The following HS3ST4 variants were observed in gnomAD, a reference collection of about 807,000 sequenced individuals.
HS3ST4 encodes the protein heparan sulfate glucosamine 3-O-sulfotransferase 4.
Under a neutral mutation model 29.2 loss-of-function variants are expected in HS3ST4, and 17 were observed. That is an observed-to-expected ratio of 0.58 (90% CI 0.40 to 0.87). HS3ST4 has a LOEUF of 0.87. Ranked by LOEUF, HS3ST4 falls within the 40% of genes least tolerant of loss-of-function variation. The pLI is 0.00. For missense variants in HS3ST4, 627 were observed against 634.5 expected (o/e 0.99, Z 0.13); for synonymous variants, 314 against 285.7 (o/e 1.10, Z -1.00).
chr16:26,097,509 C>G (rs1344269255), intron 1 of HS3ST4, among the ~76,000 whole-genome samples: 8 of 152,164 alleles, frequency 5.3e-5, no homozygotes, highest in African/African-American at 1.9e-4. Flanking sequence ...ATAAATAGTG[C>G]TGGGAAAACT....
chr16:25,784,130 C>T lies in HS3ST4; in HGVS notation c.734+90979C>T, dbSNP rs146462971. ...TGTAATTATTTTGGGGCATCATGAA[C>T]CTTGGCCATATAAGACAGCAAAATT... is the stretch of plus-strand genomic sequence containing the variant. On this transcript the variant is annotated intron_variant, in intron 1 of 1. Coordinates refer to ENST00000331351, the MANE Select transcript of HS3ST4 (RefSeq NM_006040.3). Among the ~76,000 whole-genome samples the T allele has an allele frequency of 3.9e-4, 60 of 152,286 alleles. No individual in the cohort carries two copies. The East Asian group carries it at 0.01, about 25-fold the overall frequency.
chr16:25,969,424 C>T (rs376509972), intron 1 of HS3ST4, among the ~76,000 whole-genome samples: 5 of 152,204 alleles, frequency 3.3e-5, no homozygotes, highest in African/African-American at 1.2e-4. Context: ...CTGCTGGTGG[C>T]GGTCCTAGCA....
At chr16:26,080,221 C>A (rs1011729116) in intron 1 of HS3ST4, among the ~76,000 whole-genome samples, 2 of 152,120 alleles carry the variant, frequency 1.3e-5, no homozygotes, top group South Asian at 2.1e-4. Context: ...CCTCACCAAC[C>A]AACACTTTTA....
At chr16:26,107,404 T>G (rs1319318559) in intron 1 of HS3ST4, among the ~76,000 whole-genome samples, 1 of 151,960 alleles carries the variant, frequency 6.6e-6, no homozygotes, top group African/African-American at 2.4e-5. Flanking sequence ...ACATATGTAT[T>G]TCAATAGCTT....
intron 1 of HS3ST4, among the ~76,000 whole-genome samples, chr16:25,857,760 G>A (rs4605167): frequency 0.27 from 41,609 of 151,884 alleles, 6,139 homozygotes; most frequent in East Asian, 0.45. Context: ...ACACATATAC[G>A]TGCATACTCA....
chr16:26,023,042 C>CA (rs945128018), intron 1 of HS3ST4, among the ~76,000 whole-genome samples: 25 of 150,450 alleles, frequency 1.7e-4, no homozygotes, highest in East Asian at 1.9e-4. Flanking sequence ...AACTCCATCT[C>CA]AAAAAAAAGA....
chr16:25,767,271 G>T (rs1259004681), intron 1 of HS3ST4, among the ~76,000 whole-genome samples: 1 of 152,186 alleles, frequency 6.6e-6, no homozygotes, highest in Non-Finnish European at 1.5e-5. Context: ...TCACTCTGGG[G>T]TTTTATCATC....
chr16:26,089,351 C>A (rs970657415), intron 1 of HS3ST4, among the ~76,000 whole-genome samples: 5 of 152,080 alleles, frequency 3.3e-5, no homozygotes, highest in African/African-American at 1.2e-4. Context: ...AGGTTATGAC[C>A]CTGACAGTAC....
intron 1 of HS3ST4, among the ~76,000 whole-genome samples, chr16:25,752,305 C>A (rs914669034): frequency 6.6e-6 from 1 of 151,980 alleles, no homozygotes; most frequent in African/African-American, 2.4e-5. Context: ...AACATGAAGA[C>A]ATAAAATGGA....
chr16:25,765,757 G>T (rs1596564539), intron 1 of HS3ST4, among the ~76,000 whole-genome samples: 1 of 152,166 alleles, frequency 6.6e-6, no homozygotes, highest in Non-Finnish European at 1.5e-5. Flanking sequence ...TCATGTAATT[G>T]TTGGCCAACC....
chr16:25,784,481 A>G (rs943739634), intron 1 of HS3ST4, among the ~76,000 whole-genome samples: 1 of 152,244 alleles, frequency 6.6e-6, no homozygotes, highest in African/African-American at 2.4e-5. Context: ...GTTCCACTCC[A>G]GTGAACAAAT....
At chr16:25,835,345 A>C (rs1276697636) in intron 1 of HS3ST4, among the ~76,000 whole-genome samples, 2 of 152,224 alleles carry the variant, frequency 1.3e-5, no homozygotes, top group Non-Finnish European at 2.9e-5. Flanking sequence ...AATTCTGTGC[A>C]TGAGCCAGAG....
At chr16:26,073,377 CT>C (rs1424237423) in intron 1 of HS3ST4, among the ~76,000 whole-genome samples, 4 of 72,584 alleles carry the variant, frequency 5.5e-5, no homozygotes, top group Non-Finnish European at 1.3e-4. Context: ...CTTTTCTTTT[CT>C]TTTCTTTTTT....
chr16:25,709,362 A>G (rs1966400483), intron 1 of HS3ST4, among the ~76,000 whole-genome samples: 1 of 152,070 alleles, frequency 6.6e-6, no homozygotes, highest in South Asian at 2.1e-4. Flanking sequence ...GCGGGGTGTG[A>G]GGCTTGAGGC....
Position 25,765,122 on chromosome 16 carries a change from T to C in HS3ST4, c.734+71971T>C, listed in dbSNP as rs188675806. Reference sequence around the variant, plus strand: ...AGTCTGTGTGAAGCATTTCAAGAAATAGCAGAGAGCAAGACCACAGCCACT... The same window carrying C: ...AGTCTGTGTGAAGCATTTCAAGAAACAGCAGAGAGCAAGACCACAGCCACT... On this transcript the variant is annotated intron_variant, in intron 1 of 1. Transcript: ENST00000331351. Among the ~76,000 whole-genome samples the C allele has an allele frequency of 1.1e-3, 169 of 152,264 alleles. 1 individual carries two copies. The highest frequency in any genetic ancestry group is 3.8e-3 in the African/African-American group (157 of 41,566).
chr16:25,872,769 G>T, intron 1 of HS3ST4, among the ~76,000 whole-genome samples: 1 of 152,166 alleles, frequency 6.6e-6, no homozygotes, highest in East Asian at 1.9e-4. Flanking sequence ...ACCACTTGAT[G>T]GGAAGAACTA....
intron 1 of HS3ST4, among the ~76,000 whole-genome samples, chr16:25,981,152 G>A (rs1275461773): frequency 1.3e-5 from 2 of 152,100 alleles, no homozygotes; most frequent in African/African-American, 4.8e-5. Context: ...GAGGTCAGGA[G>A]TTTGAGACCA....
intron 1 of HS3ST4, among the ~76,000 whole-genome samples, chr16:25,695,026 A>G (rs1318557666): frequency 6.6e-6 from 1 of 152,198 alleles, no homozygotes; most frequent in Non-Finnish European, 1.5e-5. Flanking sequence ...AGATTTTCCT[A>G]GATTCCTTTA....
chr16:26,130,498 G>A (rs4544246), intron 1 of HS3ST4, among the ~76,000 whole-genome samples: 36,688 of 151,982 alleles, frequency 0.24, 4,563 homozygotes, highest in East Asian at 0.4. Flanking sequence ...TGTGTTTGGC[G>A]CTGGGGATAC....
Sources: gnomAD v4.1 joint callset for allele counts (sites outside exome capture counted in the v4.1 genomes callset) on GRCh38, gnomAD v4.1.1 for gene constraint, MANE v1.5 for transcripts, NCBI Gene and HGNC (gene_info 2026-07-23, HGNC 2026-07-21) for gene names.